The following PTPRE variants were observed in gnomAD, a reference collection of about 807,000 sequenced individuals.
The protein encoded by PTPRE is protein tyrosine phosphatase receptor type E.
PTPRE carries 51 observed loss-of-function variants against 102.0 expected under a neutral mutation model. The ratio of observed to expected loss-of-function variants is 0.50; its 90% CI spans 0.40 to 0.63. PTPRE has a LOEUF of 0.63. Ranked by LOEUF, PTPRE falls within the 30% of genes least tolerant of loss-of-function variation. The pLI is 0.00. For synonymous variants in PTPRE, 345 were observed against 348.2 expected, an observed-to-expected ratio of 0.99 and a Z score of 0.10; for missense variants, 752 against 915.1, an observed-to-expected ratio of 0.82 and a Z score of 2.30.
intron 1 of PTPRE, among the ~76,000 whole-genome samples, chr10:127,977,409 T>G (rs984818094): frequency 1.1e-4 from 17 of 152,222 alleles, no homozygotes; most frequent in Non-Finnish European, 4.4e-5. Context: ...TAAATGCACT[T>G]CCAAAAAATT....
chr10:127,981,835 T>A (rs573060897), intron 1 of PTPRE, among the ~76,000 whole-genome samples: 8 of 151,132 alleles, frequency 5.3e-5, no homozygotes, highest in Admixed American at 2.0e-4. Context: ...AAAAAAAAAA[T>A]TAATTAATTA....
Position 128,049,564 on chromosome 10 carries a change from C to A in PTPRE, c.318C>A (p.Pro106=), listed in dbSNP as rs1437336727. The change falls in exon 6 of 21, where the codon CCC becomes CCA. Residue 106 remains proline (P), a synonymous_variant. Coordinates refer to ENST00000254667, the MANE Select transcript of PTPRE (RefSeq NM_006504.6). ...QQRVMLLSRS[P]SGPKKYFPIP... ...GGGTGATGCTGCTCAGCAGGTCACC[C>A]TCAGGGCCCAAGAAGTATTTTCCCA... The A allele has an allele frequency of 2.5e-6, 4 of 1,613,970 alleles. No homozygotes were observed. In the Admixed American group the frequency reaches 6.7e-5, roughly 27 times the overall value.
At chr10:128,014,723 A>G (rs1470146894) in intron 2 of PTPRE, among the ~76,000 whole-genome samples, 1 of 151,984 alleles carries the variant, frequency 6.6e-6, no homozygotes, top group East Asian at 1.9e-4. Context: ...CCCCGTCTCA[A>G]CCCCAGCTTC....
At chr10:128,000,387 T>A (rs1853749202) in intron 2 of PTPRE, among the ~76,000 whole-genome samples, 1 of 152,228 alleles carries the variant, frequency 6.6e-6, no homozygotes, top group South Asian at 2.1e-4. Flanking sequence ...AAATATTTTA[T>A]ATGGAAGCTG....
At chr10:128,066,016 GA>G in intron 10 of PTPRE, 58 bp from the exon 11 acceptor site, 2 of 1,612,972 alleles carry the variant, frequency 1.2e-6, no homozygotes, top group East Asian at 2.2e-5. Flanking sequence ...TGGGTGGGGG[GA>G]TGTCATGATG....
chr10:127,998,585 G>A (rs1168865801), intron 2 of PTPRE: 2 of 152,142 alleles, frequency 1.3e-5, no homozygotes, highest in East Asian at 3.9e-4. Context: ...TCAAATTCTT[G>A]GGATGAATGA....
chr10:128,056,132 T>C lies in PTPRE; in HGVS notation c.430T>C (p.Ser144Pro). The C allele has an allele frequency of 6.2e-7, 1 of 1,610,708 alleles. No homozygotes were observed. Among genetic ancestry groups the C allele is most frequent in the Non-Finnish European group, 8.5e-7 (1 of 1,177,074 alleles). Reference protein sequence around the residue: ...QFREEFNSLPSGHIQGTFELA... With the variant: ...QFREEFNSLPPGHIQGTFELA... ...CTACATTTTCTTCCAGTCATTGCCA[T>C]CTGGACACATACAAGGAACTTTTGA... The change falls in exon 7 of 21, where the codon TCT (serine) becomes CCT (proline). Residue 144 changes from serine to proline, a missense_variant. Coordinates refer to ENST00000254667, the MANE Select transcript of PTPRE (RefSeq NM_006504.6).
chr10:128,037,323 C>T (rs1044398311), intron 2 of PTPRE, among the ~76,000 whole-genome samples: 6 of 152,236 alleles, frequency 3.9e-5, no homozygotes, highest in African/African-American at 7.2e-5. Context: ...GCGTCTCCCT[C>T]GCCTTCCGTC....
At chr10:127,924,351 G>A (rs1479873104) in intron 1 of PTPRE, among the ~76,000 whole-genome samples, 2 of 152,090 alleles carry the variant, frequency 1.3e-5, no homozygotes, top group East Asian at 3.9e-4. Flanking sequence ...TCAGCCTCTC[G>A]AGTAGCTGGG....
At chr10:128,010,904 C>T (rs553065481) in intron 2 of PTPRE, among the ~76,000 whole-genome samples, 49 of 152,216 alleles carry the variant, frequency 3.2e-4, no homozygotes, top group South Asian at 1.0e-3. Context: ...AACCCTGGTT[C>T]CTTAAACAGC....
At chr10:128,065,156 G>A (rs982104194) in intron 10 of PTPRE, among the ~76,000 whole-genome samples, 3 of 152,318 alleles carry the variant, frequency 2.0e-5, no homozygotes, top group Non-Finnish European at 4.4e-5. Flanking sequence ...GGAAGTTGTC[G>A]GTAGCCGTCA....
intron 2 of PTPRE, among the ~76,000 whole-genome samples, chr10:127,991,892 A>C: frequency 6.6e-6 from 1 of 152,054 alleles, no homozygotes; most frequent in East Asian, 1.9e-4. Flanking sequence ...CCCTTACCAA[A>C]CTGTTCCCTC....
At chr10:128,043,918 G>C (rs1215645873) in intron 3 of PTPRE, among the ~76,000 whole-genome samples, 1 of 152,154 alleles carries the variant, frequency 6.6e-6, no homozygotes, top group African/African-American at 2.4e-5. Context: ...TATTTAATGT[G>C]GCTATATGGG....
chr10:128,076,882 A>T (rs1391492457), intron 18 of PTPRE, among the ~76,000 whole-genome samples, 154 bp downstream of exon 18: 1 of 152,110 alleles, frequency 6.6e-6, no homozygotes, highest in African/African-American at 2.4e-5. Context: ...GGTTTCAGAG[A>T]CAGTGGCAGG....
At chr10:128,075,842 C>T (rs1194155460) in intron 17 of PTPRE, among the ~76,000 whole-genome samples, 2 of 152,166 alleles carry the variant, frequency 1.3e-5, no homozygotes, top group African/African-American at 4.8e-5. Flanking sequence ...TGACATATTT[C>T]CTCTTGTGTC....
chr10:128,037,830 T>C (rs1468827829), intron 2 of PTPRE, among the ~76,000 whole-genome samples: 4 of 152,176 alleles, frequency 2.6e-5, no homozygotes, highest in Non-Finnish European at 5.9e-5. Flanking sequence ...CTCGCTCTAT[T>C]GCCCAGGCTG....
At position 127,955,325 on chromosome 10, in the gene PTPRE, T is replaced by C. The variant is rs1045947978; in HGVS notation, c.-30-26949T>C. Among the ~76,000 whole-genome samples the C allele has an allele frequency of 3.1e-4, 42 of 135,672 alleles. No homozygotes were observed. The South Asian group carries it at 4.2e-3, about 14-fold the overall frequency. The allele number at this position is 135,672 out of a possible 152,430, so 89.0% of individuals were successfully genotyped here. ...ACATACATACATACATACATACATA[T>C]ATACATACACACATAAAATCATGAC... On this transcript the variant is annotated intron_variant, in intron 1 of 20. Transcript: ENST00000254667.
chr10:128,028,723 G>A lies in PTPRE; in HGVS notation c.-7-12152G>A, dbSNP rs1291476454. 6.6e-6 allele frequency among the ~76,000 whole-genome samples: 1 copy of A among 152,156 alleles called. No homozygotes were observed. The highest frequency in any genetic ancestry group is 1.5e-5 in the Non-Finnish European group (1 of 68,032). On this transcript the variant is annotated intron_variant, in intron 2 of 20. Coordinates refer to ENST00000254667, the MANE Select transcript of PTPRE (RefSeq NM_006504.6). This position sits in a 1 kb window ranked among gnomAD's most constrained non-coding sequence, Gnocchi z 4.5. ...CTTCATTCCCAGAACACGAAGCCAAGGCCAGGAGTCGGGATCTGCTCCCAG... is the reference window on the plus strand; with the variant it reads ...CTTCATTCCCAGAACACGAAGCCAAAGCCAGGAGTCGGGATCTGCTCCCAG...
chr10:128,077,155 A>G (rs1382724616), intron 18 of PTPRE, among the ~76,000 whole-genome samples: 1 of 152,148 alleles, frequency 6.6e-6, no homozygotes, highest in Non-Finnish European at 1.5e-5. Flanking sequence ...ACTTGTACAC[A>G]GGTCTTGATG....
Sources: allele counts gnomAD v4.1 joint callset (sites outside exome capture counted in the v4.1 genomes callset), GRCh38; gene constraint gnomAD v4.1.1; non-coding constraint Gnocchi (gnomAD v3.1); transcripts MANE v1.5; gene names NCBI Gene and HGNC (gene_info 2026-07-23, HGNC 2026-07-21).